The following RRH variants were observed in gnomAD, a reference collection of about 807,000 sequenced individuals.
RRH encodes retinal pigment epithelium-derived rhodopsin homolog, also known as visual pigment-like receptor peropsin.
In RRH, 36 loss-of-function variants were observed where a neutral mutation model predicts 33.1. That is an observed-to-expected ratio of 1.09 (90% confidence interval 0.83 to 1.44). The LOEUF is 1.44. RRH is among the 40% of genes most tolerant of loss of function. RRH has a pLI of 0.00. For missense variants in RRH, 393 were observed against 420.2 expected (o/e 0.94, Z 0.57); for synonymous variants, 124 against 140.2 (o/e 0.88, Z 0.82).
rs199836106 is a variant in RRH at position 109,828,153 on chromosome 4, T to C, written c.106+20T>C. The C allele has an allele frequency of 7.3e-6, 11 of 1,507,630 alleles. No homozygotes were observed. The highest frequency in any genetic ancestry group is 1.0e-5 in the Non-Finnish European group (11 of 1,084,160). 93.4% of individuals were successfully genotyped at this position (1,507,630 alleles called of 1,614,324 possible). On this transcript the variant is annotated intron_variant, in intron 1 of 6. Coordinates refer to ENST00000317735, the MANE Select transcript of RRH (RefSeq NM_006583.5). Reference sequence around the variant, plus strand: ...TGGCAGGTATGGATATTTAAGTAAGTTATTTTTCTTTAGAATGGGTGAAGA... The same window carrying C: ...TGGCAGGTATGGATATTTAAGTAAGCTATTTTTCTTTAGAATGGGTGAAGA...
At chr4:109,835,587 C>T in intron 3 of RRH, 122 bp downstream of exon 3, 1 of 771,038 alleles carries the variant, frequency 1.3e-6, no homozygotes, top group East Asian at 2.6e-5. Context: ...ATTTCTCTGC[C>T]AATAATTGTT....
In RRH at chr4:109,833,260, C is replaced by T. The variant is rs1392454197; in HGVS notation, c.228C>T (p.Ser76=). The T allele has an allele frequency of 6.2e-7, 1 of 1,614,054 alleles. No individual in the cohort carries two copies. Among genetic ancestry groups the T allele is most frequent in the Non-Finnish European group, 8.5e-7 (1 of 1,179,954 alleles). Residue 76 remains serine (S), a synonymous_variant, in exon 2 of 7, where the codon AGC becomes AGT. Coordinates refer to ENST00000317735, the MANE Select transcript of RRH (RefSeq NM_006583.5). ...NLAVTDIGVS[S]IGYPMSAASD... is the part of the protein sequence containing the mutation. ...CTGTTACTGATATAGGGGTCAGTAG[C>T]ATTGGCTATCCCATGTCTGCTGCCT... is the stretch of plus-strand genomic sequence containing the variant.
chr4:109,832,595 C>T (rs1733780682), intron 1 of RRH, among the ~76,000 whole-genome samples: 1 of 150,036 alleles, frequency 6.7e-6, no homozygotes, highest in Non-Finnish European at 1.5e-5. Context: ...TATGAGCTTA[C>T]ATATGGTAGA....
chr4:109,840,227 T>C (rs1004025408), intron 5 of RRH, among the ~76,000 whole-genome samples: 19 of 145,074 alleles, frequency 1.3e-4, no homozygotes, highest in Non-Finnish European at 2.6e-4. Flanking sequence ...AGTGATGAGC[T>C]TTTTTTTTTT....
chr4:109,831,760 C>G (rs1366871716), intron 1 of RRH, among the ~76,000 whole-genome samples: 1 of 152,002 alleles, frequency 6.6e-6, no homozygotes, highest in Non-Finnish European at 1.5e-5. Flanking sequence ...AGGCAAAGAG[C>G]CTGGAATATC....
rs1177503938 is a variant in RRH at position 109,827,991 on chromosome 4, CT to C, written c.-35del. ...TAAAGCAGTTCATAATTATCGAAGG[CT>C]TATTATGAAGGGTGTTTCGGTATCT... On this transcript the variant is annotated 5_prime_UTR_variant, in exon 1 of 7. Transcript: ENST00000317735. 3.1e-6 allele frequency: 4 copies of C among 1,282,278 alleles called. No homozygotes were observed. The African/African-American group carries it at 5.9e-5, about 19-fold the overall frequency. 79.4% of individuals were successfully genotyped at this position (1,282,278 alleles called of 1,614,324 possible). A position where few individuals can be genotyped will look rare whatever the true frequency, so the allele number is the denominator to read the frequency against.
In RRH at chr4:109,836,891, C is replaced by CAA. The variant is rs56989659; in HGVS notation, c.552-527_552-526dup. On this transcript the variant is annotated intron_variant, in intron 4 of 6. Coordinates refer to ENST00000317735, the MANE Select transcript of RRH (RefSeq NM_006583.5). ...GCAACATATTGAGACCCTGTCTCTA[C>CAA]AAAAAAAAAAAAAAAAAAAAGCAGA... Among the ~76,000 whole-genome samples, 453 of 84,368 alleles carry CAA rather than the reference C, an allele frequency of 5.4e-3. 14 individuals are homozygous for CAA. The highest frequency in any genetic ancestry group is 8.8e-3 in the Middle Eastern group (1 of 114). 55.3% of individuals were successfully genotyped at this position (84,368 alleles called of 152,430 possible).
Position 109,844,268 on chromosome 4 carries a change from C to T in RRH, c.*71C>T. The T allele has an allele frequency of 1.1e-6, 1 of 936,968 alleles. No homozygotes were observed. Among genetic ancestry groups the T allele is most frequent in the Non-Finnish European group, 1.7e-6 (1 of 574,540 alleles). 58.0% of individuals were successfully genotyped at this position (936,968 alleles called of 1,614,324 possible). A position where few individuals can be genotyped will look rare whatever the true frequency, so the allele number is the denominator to read the frequency against. ...AATGCTTTTCTTTTAAATATGAGCC[C>T]ATTTAGATCAAGTGCAGACATGGAT... On this transcript the variant is annotated 3_prime_UTR_variant, in exon 7 of 7. Coordinates refer to ENST00000317735, the MANE Select transcript of RRH (RefSeq NM_006583.5).
chr4:109,839,506 G>A (rs1733947954), intron 5 of RRH, among the ~76,000 whole-genome samples: 1 of 152,004 alleles, frequency 6.6e-6, no homozygotes, highest in South Asian at 2.1e-4. Flanking sequence ...ATGACGTGTA[G>A]GTTTGTTACA....
chr4:109,836,188 C>A (rs1323623529), intron 4 of RRH, 28 bp downstream of exon 4: 3 of 1,608,454 alleles, frequency 1.9e-6, no homozygotes, highest in Non-Finnish European at 1.7e-6. Context: ...ACTTTATAAT[C>A]AAATGCTTCT....
chr4:109,840,146 T>C (rs1733959549), intron 5 of RRH, among the ~76,000 whole-genome samples: 1 of 152,184 alleles, frequency 6.6e-6, no homozygotes, highest in African/African-American at 2.4e-5. Context: ...TTTGACTTTT[T>C]ATTAGCAGCT....
chr4:109,837,942 A>AT (rs894283690), intron 5 of RRH, among the ~76,000 whole-genome samples: 19 of 151,680 alleles, frequency 1.3e-4, no homozygotes, highest in African/African-American at 4.1e-4. Context: ...CACTTGGCTA[A>AT]TTTTTTTTGT....
intron 5 of RRH, among the ~76,000 whole-genome samples, chr4:109,839,615 C>T (rs1733949547): frequency 6.6e-6 from 1 of 152,134 alleles, no homozygotes; most frequent in Non-Finnish European, 1.5e-5. Flanking sequence ...CTCCTCCCTC[C>T]CTCTACCCTT....
intron 2 of RRH, among the ~76,000 whole-genome samples, chr4:109,833,766 T>C (rs1328301028): frequency 6.6e-6 from 1 of 152,220 alleles, no homozygotes; most frequent in Non-Finnish European, 1.5e-5. Flanking sequence ...TTACTAAATG[T>C]TATTTTTTAG....
chr4:109,833,098 A>G, intron 1 of RRH, 41 bp from the exon 2 acceptor site: 1 of 1,528,538 alleles, frequency 6.5e-7, no homozygotes, highest in Non-Finnish European at 9.1e-7. Flanking sequence ...TGAAACATTC[A>G]AATTAAACAA....
At chr4:109,841,633 T>A (rs1056879248) in intron 5 of RRH, among the ~76,000 whole-genome samples, 2 of 152,178 alleles carry the variant, frequency 1.3e-5, no homozygotes, top group Non-Finnish European at 2.9e-5. Context: ...TATGGATTGG[T>A]CTGTATCTGG....
At chr4:109,828,692 C>T (rs373979611) in intron 1 of RRH, among the ~76,000 whole-genome samples, 1 of 151,802 alleles carries the variant, frequency 6.6e-6, no homozygotes, top group Non-Finnish European at 1.5e-5. Context: ...CAGCTTGTTC[C>T]AGAATGCTTA....
chr4:109,837,198 G>C (rs1344030752), intron 4 of RRH, among the ~76,000 whole-genome samples: 2 of 152,200 alleles, frequency 1.3e-5, no homozygotes, highest in Admixed American at 1.3e-4. Flanking sequence ...ATGTAAATGA[G>C]GGTACATGGC....
chr4:109,840,133 T>A (rs1000860973), intron 5 of RRH, among the ~76,000 whole-genome samples: 2 of 152,162 alleles, frequency 1.3e-5, no homozygotes, highest in African/African-American at 4.8e-5. Flanking sequence ...GCATCTGTTA[T>A]TTTTTGACTT....
Sources: allele counts gnomAD v4.1 joint callset (sites outside exome capture counted in the v4.1 genomes callset), GRCh38; gene constraint gnomAD v4.1.1; transcripts MANE v1.5; gene names NCBI Gene and HGNC (gene_info 2026-07-23, HGNC 2026-07-21).